Variants in RPSA2 observed in about 807,000 individuals in gnomAD.
RPSA2 encodes the protein ribosomal protein SA 2.
the RPSA2 span, among the ~76,000 whole-genome samples, chr19:23,761,102 G>GTA: frequency 1.3e-5 from 2 of 150,330 alleles, no homozygotes; most frequent in Non-Finnish European, 3.0e-5. Flanking sequence ...GTGTGTGTGT[G>GTA]TACACATAGA....
At chr19:23,764,737 C>G in the RPSA2 span, among the ~76,000 whole-genome samples, 2 of 115,504 alleles carry the variant, frequency 1.7e-5, no homozygotes, top group African/African-American at 5.7e-5. Flanking sequence ...GCCTCAGCCT[C>G]CCAAGTCTGT....
At chr19:23,759,679 A>T in the RPSA2 span, among the ~76,000 whole-genome samples, 1 of 151,706 alleles carries the variant, frequency 6.6e-6, no homozygotes, top group Admixed American at 6.6e-5. Context: ...GCGTGCCACC[A>T]TGCCCGGCTA....
chr19:23,856,015 A>G, the RPSA2 span, among the ~76,000 whole-genome samples: 1 of 152,126 alleles, frequency 6.6e-6, no homozygotes, highest in Admixed American at 6.5e-5. Flanking sequence ...TGGGGGTGAC[A>G]TTAAGCCAAA....
the RPSA2 span, among the ~76,000 whole-genome samples, chr19:23,776,861 C>G: frequency 6.6e-6 from 1 of 152,196 alleles, no homozygotes; most frequent in East Asian, 1.9e-4. Flanking sequence ...TGTAACATAT[C>G]ACTTGGCTCA....
At chr19:23,844,912 C>CT in the RPSA2 span, among the ~76,000 whole-genome samples, 288 of 149,448 alleles carry the variant, frequency 1.9e-3, 1 homozygote, top group Middle Eastern at 0.017. Context: ...TTTTTCAAGA[C>CT]TTTTTTTTAT....
At chr19:23,810,716 T>G in the RPSA2 span, among the ~76,000 whole-genome samples, 1 of 152,162 alleles carries the variant, frequency 6.6e-6, no homozygotes, top group Admixed American at 6.5e-5. Context: ...GGCCAAGGTC[T>G]GCAGGCCTCT....
the RPSA2 span, among the ~76,000 whole-genome samples, chr19:23,791,428 CTT>C: frequency 6.6e-6 from 1 of 152,174 alleles, no homozygotes; most frequent in African/African-American, 2.4e-5. Flanking sequence ...AAAAAATGCT[CTT>C]GAGTTTAGAT....
the RPSA2 span, among the ~76,000 whole-genome samples, chr19:23,775,331 A>T: frequency 3.3e-5 from 5 of 152,212 alleles, no homozygotes; most frequent in Admixed American, 3.3e-4. Flanking sequence ...GTGGTGACTT[A>T]TTAATAAGCC....
At chr19:23,786,269 T>C in the RPSA2 span, among the ~76,000 whole-genome samples, 1 of 152,206 alleles carries the variant, frequency 6.6e-6, no homozygotes, top group Non-Finnish European at 1.5e-5. Flanking sequence ...TTCTCTTACC[T>C]AGAACTGGGA....
chr19:23,849,148 A>T, the RPSA2 span, among the ~76,000 whole-genome samples: 1 of 152,212 alleles, frequency 6.6e-6, no homozygotes, highest in Admixed American at 6.5e-5. Flanking sequence ...CCAAATTTTG[A>T]TATTTCCCAC....
the RPSA2 span, among the ~76,000 whole-genome samples, chr19:23,790,259 AGTG>A: frequency 2.6e-5 from 4 of 152,220 alleles, no homozygotes; most frequent in South Asian, 8.3e-4. Context: ...GGCTTCCCAA[AGTG>A]GTGGGATTAC....
chr19:23,859,766 C>T, the RPSA2 span, among the ~76,000 whole-genome samples: 1 of 152,196 alleles, frequency 6.6e-6, no homozygotes, highest in Admixed American at 6.5e-5. Flanking sequence ...ACACATATCT[C>T]CATTCAGCTC....
the RPSA2 span, among the ~76,000 whole-genome samples, chr19:23,849,982 T>G: frequency 1.3e-5 from 2 of 152,090 alleles, no homozygotes; most frequent in Admixed American, 1.3e-4. Flanking sequence ...TCTCTTGTAG[T>G]TAATCTCTCC....
the RPSA2 span, among the ~76,000 whole-genome samples, chr19:23,833,873 A>T: frequency 9.9e-4 from 150 of 152,220 alleles, no homozygotes; most frequent in African/African-American, 3.2e-3. Flanking sequence ...GTGCTAGAGG[A>T]AAACCCTGAG....
the RPSA2 span, among the ~76,000 whole-genome samples, chr19:23,809,994 C>T: frequency 9.9e-5 from 15 of 152,152 alleles, no homozygotes; most frequent in African/African-American, 3.4e-4. Context: ...TTTGGCCCCC[C>T]CAATGTGATA....
the RPSA2 span, among the ~76,000 whole-genome samples, chr19:23,859,322 A>T: frequency 6.6e-6 from 1 of 152,144 alleles, no homozygotes; most frequent in African/African-American, 2.4e-5. Flanking sequence ...TTAATGGAAC[A>T]TGTTATTTAA....
chr19:23,828,038 G>C, the RPSA2 span: 2,411 of 644,038 alleles, frequency 3.7e-3, 45 homozygotes, highest in African/African-American at 0.038. Context: ...AGCAACCACT[G>C]ACTGGTCTTA....
the RPSA2 span, among the ~76,000 whole-genome samples, chr19:23,834,140 C>CG: frequency 1.3e-5 from 2 of 151,854 alleles, no homozygotes; most frequent in Admixed American, 1.3e-4. Flanking sequence ...AATCAGAGTG[C>CG]TGCGTATAAA....
the RPSA2 span, among the ~76,000 whole-genome samples, chr19:23,844,607 A>G: frequency 3.9e-5 from 6 of 152,034 alleles, no homozygotes; most frequent in Non-Finnish European, 8.8e-5. Flanking sequence ...ATAGTTTGCA[A>G]ATATGTTCTT....
Sources: gnomAD v4.1 joint callset for allele counts (sites outside exome capture counted in the v4.1 genomes callset) on GRCh38, gnomAD v4.1.1 for gene constraint, MANE v1.5 for transcripts, NCBI Gene and HGNC (gene_info 2026-07-23, HGNC 2026-07-21) for gene names.